Variants in PFKFB3 observed in about 807,000 individuals in gnomAD.
The protein encoded by PFKFB3 is 6-phosphofructo-2-kinase/fructose-2,6-bisphosphatase 3.
A neutral mutation model predicts 68.0 loss-of-function variants in PFKFB3; 33 were observed. The observed-to-expected ratio is 0.49, with a 90% CI of 0.37 to 0.65. The LOEUF (loss-of-function observed/expected upper bound fraction) is 0.65. Among genes scored for constraint, PFKFB3 ranks in the 30% least tolerant of loss-of-function variants. The pLI is 0.00. For missense variants in PFKFB3, 586 were observed against 712.2 expected (o/e 0.82, Z 2.02); for synonymous variants, 315 against 288.2 (o/e 1.09, Z -0.94).
chr10:6,152,232 C>T (rs1227292851), intron 1 of PFKFB3: 2 of 153,600 alleles, frequency 1.3e-5, no homozygotes, highest in East Asian at 2.0e-4. Context: ...CCTGGGGAGC[C>T]GGACAGCTCC....
At chr10:6,268,929 G>T in the PFKFB3 span, among the ~76,000 whole-genome samples, 1 of 149,498 alleles carries the variant, frequency 6.7e-6, no homozygotes, top group African/African-American at 2.5e-5. Flanking sequence ...AGGCTGAGGT[G>T]GGAGGATCAC....
chr10:6,261,113 G>C, the PFKFB3 span, among the ~76,000 whole-genome samples: 1 of 152,132 alleles, frequency 6.6e-6, no homozygotes, highest in East Asian at 1.9e-4. Flanking sequence ...ATCTCTTCAC[G>C]ATTTTAATTT....
chr10:6,250,989 C>T (rs892979328), intron 14 of PFKFB3, among the ~76,000 whole-genome samples: 1 of 152,164 alleles, frequency 6.6e-6, no homozygotes, highest in Non-Finnish European at 1.5e-5. Context: ...GAGCCTTACC[C>T]CACAGAGATT....
At chr10:6,193,658 A>T (rs946596189) in intron 1 of PFKFB3, among the ~76,000 whole-genome samples, 1 of 152,250 alleles carries the variant, frequency 6.6e-6, no homozygotes, top group Non-Finnish European at 1.5e-5. Flanking sequence ...AGTCCAAAAA[A>T]GGAGTCAGCA....
chr10:6,145,524 G>A (rs1310911949), intron 1 of PFKFB3, among the ~76,000 whole-genome samples: 1 of 152,030 alleles, frequency 6.6e-6, no homozygotes, highest in Non-Finnish European at 1.5e-5. Flanking sequence ...AGGGCGGCGG[G>A]GCCCGGGGTC....
chr10:6,177,438 C>CTCTCTCTTTCTT (rs755279276), intron 1 of PFKFB3, among the ~76,000 whole-genome samples: 1 of 86,630 alleles, frequency 1.2e-5, no homozygotes, highest in South Asian at 4.4e-4. Flanking sequence ...TCTTTTCTTT[C>CTCTCTCTTTCTT]TCTTTCTTTC....
At position 6,217,411 on chromosome 10, in the gene PFKFB3, G is replaced by T. The variant is rs76678681; in HGVS notation, c.498+220G>T. On this transcript the variant is annotated intron_variant, in intron 6 of 14. Transcript: ENST00000379775. ...CTAGCTCCATCCAGGGCAGTGGGCA[G>T]GCTTGGATGGGACGTAGGAAATAAT... Among the ~76,000 whole-genome samples, 1,137 of 152,338 alleles carry T rather than the reference G, an allele frequency of 7.5e-3. 12 individuals carry two copies. The highest frequency in any genetic ancestry group is 0.026 in the African/African-American group (1,096 of 41,590).
At chr10:6,243,304 T>A (rs1434494513) in intron 14 of PFKFB3, among the ~76,000 whole-genome samples, 1 of 152,216 alleles carries the variant, frequency 6.6e-6, no homozygotes, top group Non-Finnish European at 1.5e-5. Context: ...TGAGAATATT[T>A]TGTCAGTTCT....
chr10:6,225,209 A>T lies in PFKFB3; in HGVS notation c.1342-983A>T, dbSNP rs1429056046. 3 of 456,200 alleles carry T rather than the reference A, an allele frequency of 6.6e-6. No homozygotes were observed. In the East Asian group the frequency reaches 2.1e-4, roughly 32 times the overall value. 28.3% of individuals were successfully genotyped at this position (456,200 alleles called of 1,614,324 possible). On this transcript the variant is annotated intron_variant, in intron 13 of 14. Transcript: ENST00000379775. Reference sequence around the variant, plus strand: ...CTAGTACTAGTCAGACCTTTCTCTTAGACCGAGCGTGACTTTCTGTCATGG... The same window carrying T: ...CTAGTACTAGTCAGACCTTTCTCTTTGACCGAGCGTGACTTTCTGTCATGG...
intron 1 of PFKFB3, among the ~76,000 whole-genome samples, chr10:6,177,452 C>CT (rs1362023847): frequency 2.3e-3 from 214 of 94,580 alleles, no homozygotes; most frequent in Middle Eastern, 0.013. Flanking sequence ...TTCTTTCTTT[C>CT]TTTCTTTCTT....
the PFKFB3 span, among the ~76,000 whole-genome samples, chr10:6,305,185 A>ATT: frequency 1.0e-5 from 1 of 99,406 alleles, no homozygotes. Context: ...AATATTAGGA[A>ATT]TTTTTTTTTT....
At chr10:6,268,810 C>T in the PFKFB3 span, among the ~76,000 whole-genome samples, 1 of 151,206 alleles carries the variant, frequency 6.6e-6, no homozygotes, top group African/African-American at 2.4e-5. Flanking sequence ...TTGCTTGAGC[C>T]CAGGAGTTCG....
chr10:6,322,409 T>C, the PFKFB3 span, among the ~76,000 whole-genome samples: 1 of 152,142 alleles, frequency 6.6e-6, no homozygotes. Context: ...CTCATGATAA[T>C]AGAGTCCTAA....
At chr10:6,160,015 T>G (rs1285658224) in intron 1 of PFKFB3, among the ~76,000 whole-genome samples, 2 of 151,952 alleles carry the variant, frequency 1.3e-5, no homozygotes, top group Non-Finnish European at 2.9e-5. Context: ...CGCCTGAGCC[T>G]CTCAAAGTGC....
chr10:6,287,163 T>G, the PFKFB3 span, among the ~76,000 whole-genome samples: 2 of 152,218 alleles, frequency 1.3e-5, no homozygotes, highest in Non-Finnish European at 2.9e-5. Context: ...CTCAGCTCAC[T>G]GCAACCTCCA....
chr10:6,156,129 ATGTGTG>A (rs112267780), intron 1 of PFKFB3, among the ~76,000 whole-genome samples: 13,951 of 96,766 alleles, frequency 0.14, 731 homozygotes, highest in East Asian at 0.25. Flanking sequence ...GTACATATAT[ATGTGTG>A]TGTGTGTGTG....
intron 14 of PFKFB3, among the ~76,000 whole-genome samples, chr10:6,242,534 C>A (rs186355023): frequency 9.1e-4 from 139 of 152,072 alleles, no homozygotes; most frequent in Admixed American, 9.1e-3. Flanking sequence ...TGTGTGCAGG[C>A]GAACCTGTGG....
chr10:6,223,040 CG>C (rs1244304493), intron 11 of PFKFB3, 56 bp downstream of exon 11: 16 of 1,558,958 alleles, frequency 1.0e-5, no homozygotes, highest in South Asian at 3.5e-5. Context: ...TGGCACTCGG[CG>C]GGGGGTCAGC....
rs973095114 is a variant in PFKFB3 at position 6,217,311 on chromosome 10, G to A, written c.498+120G>A. On this transcript the variant is annotated intron_variant, in intron 6 of 14. Transcript: ENST00000379775. ...CGCAGCTGAGCCCTTAGGATGAGCA[G>A]CCCCCAGCTGGCTGTTGATTGGGAG... 22 of 888,968 alleles carry A rather than the reference G, an allele frequency of 2.5e-5. No individual in the cohort carries two copies. In the Admixed American group the frequency reaches 4.2e-4, roughly 17 times the overall value. The allele number at this position is 888,968 out of a possible 1,614,324, so 55.1% of individuals were successfully genotyped here.
Sources: allele counts gnomAD v4.1 joint callset (sites outside exome capture counted in the v4.1 genomes callset), GRCh38; gene constraint gnomAD v4.1.1; transcripts MANE v1.5; gene names NCBI Gene and HGNC (gene_info 2026-07-23, HGNC 2026-07-21).